ESRRG: variants seen among roughly 807,000 people sequenced by gnomAD.
The protein encoded by ESRRG is estrogen related receptor gamma.
In ESRRG, 13 loss-of-function variants were observed where a neutral mutation model predicts 44.0. The ratio of observed to expected loss-of-function variants is 0.30; its 90% CI spans 0.19 to 0.47. The LOEUF (loss-of-function observed/expected upper bound fraction) is 0.47, where lower values mean the gene tolerates loss of function less well. Among genes scored for constraint, ESRRG ranks in the 20% least tolerant of loss-of-function variants. The pLI, the probability that ESRRG is intolerant of heterozygous loss-of-function variation, is 1.00. For missense variants in ESRRG, 395 were observed against 580.6 expected, an observed-to-expected ratio of 0.68 and a Z score of 3.29; for synonymous variants, 215 against 214.6, an observed-to-expected ratio of 1.00 and a Z score of -0.02.
At chr1:216,628,529 T>C (rs1425705038) in intron 3 of ESRRG, among the ~76,000 whole-genome samples, 1 of 152,156 alleles carries the variant, frequency 6.6e-6, no homozygotes, top group Non-Finnish European at 1.5e-5. Context: ...CCAATTATTA[T>C]CATCAAATGA....
intron 2 of ESRRG, among the ~76,000 whole-genome samples, chr1:216,656,848 A>G (rs780927880): frequency 1.3e-4 from 20 of 152,194 alleles, no homozygotes; most frequent in Admixed American, 1.3e-4. Context: ...TAATTTTATT[A>G]ACAGAACTAA....
intron 2 of ESRRG, among the ~76,000 whole-genome samples, chr1:216,934,171 C>G (rs1054902495): frequency 6.6e-6 from 1 of 152,158 alleles, no homozygotes; most frequent in Non-Finnish European, 1.5e-5. Context: ...TGGTGGCTCA[C>G]GCCTGTAATT....
At position 217,037,888 on chromosome 1, in the gene ESRRG, G is replaced by A. The variant is rs181638607; in HGVS notation, c.-106+51619C>T. On this transcript the variant is annotated intron_variant, in intron 1 of 7. Transcript: ENST00000359162. Reference sequence around the variant, plus strand: ...GGAGCAACAGGCCCCATGCAAGTCCGAAATCCAGTGGGGCAGTCAAATCTT... The same window carrying A: ...GGAGCAACAGGCCCCATGCAAGTCCAAAATCCAGTGGGGCAGTCAAATCTT... 1.2e-4 allele frequency among the ~76,000 whole-genome samples: 18 copies of A among 152,278 alleles called. No homozygotes were observed. The East Asian group carries it at 2.5e-3, about 21-fold the overall frequency.
chr1:216,970,991 T>C (rs1278076417), intron 1 of ESRRG, among the ~76,000 whole-genome samples: 1 of 152,188 alleles, frequency 6.6e-6, no homozygotes, highest in Non-Finnish European at 1.5e-5. Context: ...CACCCAGCCC[T>C]ACATGGGGGT....
At chr1:216,821,401 C>A (rs2095284224) in intron 2 of ESRRG, among the ~76,000 whole-genome samples, 1 of 151,896 alleles carries the variant, frequency 6.6e-6, no homozygotes, top group African/African-American at 2.4e-5. Context: ...TTAAAAATTC[C>A]TAGGCCAAGC....
At position 216,551,797 on chromosome 1, in the gene ESRRG, T is replaced by G. The variant is rs1052615160; in HGVS notation, c.862+12422A>C. Among the ~76,000 whole-genome samples, 4 of 152,160 alleles carry G rather than the reference T, an allele frequency of 2.6e-5. No individual in the cohort carries two copies. The South Asian group carries it at 8.3e-4, about 31-fold the overall frequency. On this transcript the variant is annotated intron_variant, in intron 5 of 6. Coordinates refer to ENST00000408911, the MANE Select transcript of ESRRG (RefSeq NM_001438.4). ...TAGAGAGGCTGACGGAGATTTATTA[T>G]TGGGTGTGCCTTTAAAGCATCTTTA...
chr1:216,731,960 G>C (rs554743668), intron 2 of ESRRG, among the ~76,000 whole-genome samples: 1 of 152,088 alleles, frequency 6.6e-6, no homozygotes, highest in East Asian at 1.9e-4. Context: ...TTCATCCTTC[G>C]ATAAATCAGA....
At chr1:216,986,887 C>T (rs2074968548) in intron 1 of ESRRG, among the ~76,000 whole-genome samples, 1 of 151,970 alleles carries the variant, frequency 6.6e-6, no homozygotes, top group Admixed American at 6.6e-5. Context: ...CATAATGTTG[C>T]CAATAATGAG....
intron 2 of ESRRG, among the ~76,000 whole-genome samples, chr1:216,828,550 G>C (rs924731080): frequency 1.4e-4 from 22 of 152,080 alleles, no homozygotes; most frequent in African/African-American, 5.1e-4. Flanking sequence ...AAAATCATGT[G>C]ACCAGAATAC....
intron 2 of ESRRG, among the ~76,000 whole-genome samples, chr1:216,808,117 A>C (rs1490945916): frequency 1.3e-5 from 2 of 152,180 alleles, no homozygotes; most frequent in African/African-American, 4.8e-5. Flanking sequence ...GACAGATTGA[A>C]TTGAGACTCC....
intron 2 of ESRRG, among the ~76,000 whole-genome samples, chr1:216,774,796 T>A (rs1201444470): frequency 1.9e-5 from 2 of 106,836 alleles, no homozygotes; most frequent in Non-Finnish European, 3.7e-5. Flanking sequence ...GAATAATTTC[T>A]TCTTTTTTTT....
At chr1:216,993,204 C>A (rs1006067424) in intron 1 of ESRRG, among the ~76,000 whole-genome samples, 6 of 152,142 alleles carry the variant, frequency 3.9e-5, no homozygotes, top group Non-Finnish European at 8.8e-5. Context: ...TATTTAGCCA[C>A]AAGAAATTGA....
chr1:216,679,971 G>T (rs1474762371), intron 1 of ESRRG, among the ~76,000 whole-genome samples: 1 of 152,094 alleles, frequency 6.6e-6, no homozygotes, highest in East Asian at 1.9e-4. Context: ...TTGGCAATAG[G>T]CTGGATAAAA....
intron 3 of ESRRG, among the ~76,000 whole-genome samples, chr1:216,591,261 T>C (rs887148083): frequency 6.6e-6 from 1 of 152,184 alleles, no homozygotes; most frequent in Non-Finnish European, 1.5e-5. Flanking sequence ...CATGCCTACA[T>C]AATGGAAACA....
chr1:216,519,409 A>G lies in ESRRG; in HGVS notation c.875T>C (p.Leu292Pro). ...WAKHIPGFST[L>P]SLADQMSLLQ... Reference sequence around the variant, plus strand: ...AAGGCTCATCTGGTCCGCCAGGGACAGCGTGGAGAAGCCTGCATGGAAAGA... The same window carrying G: ...AAGGCTCATCTGGTCCGCCAGGGACGGCGTGGAGAAGCCTGCATGGAAAGA... Residue 292 changes from leucine (L) to proline (P), a missense_variant, in exon 6 of 7, where the codon CTG becomes CCG. Leu to Pro is a moderately conservative substitution (Grantham distance 98, BLOSUM62 -3). This residue lies in a region of ESRRG where 167 missense variants were observed against 251.8 expected (regional missense o/e 0.66). Transcript: ENST00000408911. 1 of 1,607,260 alleles carries G rather than the reference A, an allele frequency of 6.2e-7. No individual in the cohort carries two copies. Among genetic ancestry groups the G allele is most frequent in the Non-Finnish European group, 8.5e-7 (1 of 1,178,780 alleles).
chr1:216,780,513 A>G lies in ESRRG; in HGVS notation c.-13-103022T>C, dbSNP rs139995604. Reference sequence around the variant, plus strand: ...GCTGAAATGTACTGAACCCTTACGAAATCAGATACTGTGTGTACATTATCT... The same window carrying G: ...GCTGAAATGTACTGAACCCTTACGAGATCAGATACTGTGTGTACATTATCT... On this transcript the variant is annotated intron_variant, in intron 2 of 7. Coordinates refer to the ESRRG transcript ENST00000359162. Among the ~76,000 whole-genome samples the G allele has an allele frequency of 1.9e-3, 282 of 152,124 alleles. 2 individuals are homozygous for G. Among genetic ancestry groups the G allele is most frequent in the African/African-American group, 6.5e-3 (269 of 41,548 alleles).
chr1:216,971,289 T>TC (rs2071604715), intron 1 of ESRRG, among the ~76,000 whole-genome samples: 1 of 152,202 alleles, frequency 6.6e-6, no homozygotes, highest in South Asian at 2.1e-4. Flanking sequence ...AATTGGAATG[T>TC]CCACATTGCA....
chr1:216,644,606 T>G (rs1054512873), intron 3 of ESRRG, among the ~76,000 whole-genome samples: 2 of 151,912 alleles, frequency 1.3e-5, no homozygotes, highest in African/African-American at 2.4e-5. Flanking sequence ...TTTTTTACTT[T>G]TTATTTTTTG....
chr1:216,915,379 A>T (rs1266969602), intron 2 of ESRRG, among the ~76,000 whole-genome samples: 1 of 152,190 alleles, frequency 6.6e-6, no homozygotes, highest in East Asian at 1.9e-4. Context: ...ACAACCTAGG[A>T]AAAAACAACC....
Sources: allele counts gnomAD v4.1 joint callset (sites outside exome capture counted in the v4.1 genomes callset), GRCh38; gene constraint gnomAD v4.1.1; regional missense constraint gnomAD v4.1.1; transcripts MANE v1.5; gene names NCBI Gene and HGNC (gene_info 2026-07-23, HGNC 2026-07-21).